SLC35A3: variants seen among roughly 807,000 people sequenced by gnomAD.
The protein encoded by SLC35A3 is UDP-N-acetylglucosamine transporter.
A neutral mutation model predicts 39.0 loss-of-function variants in SLC35A3; 26 were observed. The observed-to-expected ratio is 0.67, with a 90% CI of 0.49 to 0.92. The LOEUF (loss-of-function observed/expected upper bound fraction) is 0.92, where lower values mean the gene tolerates loss of function less well. SLC35A3 is among the 40% of genes least tolerant of loss of function. SLC35A3 has a pLI of 0.00. For missense variants in SLC35A3, 299 were observed against 371.6 expected, an observed-to-expected ratio of 0.80 and a Z score of 1.61; for synonymous variants, 135 against 133.1, an observed-to-expected ratio of 1.01 and a Z score of -0.10.
intron 2 of SLC35A3, among the ~76,000 whole-genome samples, chr1:99,995,102 T>G (rs1658307719): frequency 6.7e-6 from 1 of 149,238 alleles, no homozygotes; most frequent in Non-Finnish European, 1.5e-5. Flanking sequence ...GCTTTTTGTG[T>G]ATTTTCTTTC....
At chr1:100,016,984 G>A (rs576351) in intron 6 of SLC35A3, among the ~76,000 whole-genome samples, 8,949 of 152,236 alleles carry the variant, frequency 0.059, 344 homozygotes, top group African/African-American at 0.1. Flanking sequence ...CATAATTTAC[G>A]ACTTTCTCTA....
intron 1 of SLC35A3, among the ~76,000 whole-genome samples, chr1:99,982,095 C>G (rs1657489647): frequency 6.6e-6 from 1 of 150,610 alleles, no homozygotes; most frequent in East Asian, 2.0e-4. Context: ...ACCTCCGCCT[C>G]TTGGGTTCAA....
intron 5 of SLC35A3, among the ~76,000 whole-genome samples, chr1:100,013,076 T>C (rs939751922): frequency 3.9e-5 from 6 of 152,218 alleles, no homozygotes; most frequent in African/African-American, 1.4e-4. Flanking sequence ...TTATAATCCA[T>C]ACAAAGGAAT....
chr1:100,033,095 T>C lies in SLC35A3; in HGVS notation c.*10619T>C, dbSNP rs918129198. ...AGCTGTCATTGTTTCTAGGCCATTTTAGTGGACATAGCTAGGAAATACAAT... is the reference window on the plus strand; with the variant it reads ...AGCTGTCATTGTTTCTAGGCCATTTCAGTGGACATAGCTAGGAAATACAAT... On this transcript the variant is annotated 3_prime_UTR_variant, in exon 8 of 8. Coordinates refer to ENST00000533028, the MANE Select transcript of SLC35A3 (RefSeq NM_012243.3). The C allele has an allele frequency of 1.3e-5, 2 of 152,180 alleles. No homozygotes were observed. The highest frequency in any genetic ancestry group is 2.9e-5 in the Non-Finnish European group (2 of 68,020). 9.4% of individuals were successfully genotyped at this position (152,180 alleles called of 1,614,324 possible).
At chr1:99,991,062 C>T (rs1452348984) in intron 1 of SLC35A3, among the ~76,000 whole-genome samples, 1 of 152,206 alleles carries the variant, frequency 6.6e-6, no homozygotes, top group Non-Finnish European at 1.5e-5. Flanking sequence ...GTTACAGCAG[C>T]CTAAGCTCAT....
At chr1:100,004,742 C>G (rs1035175371) in intron 3 of SLC35A3, among the ~76,000 whole-genome samples, 1 of 150,778 alleles carries the variant, frequency 6.6e-6, no homozygotes, top group African/African-American at 2.4e-5. Flanking sequence ...TTTTTATTTT[C>G]TAAAAGACAG....
rs957292788 is a variant in SLC35A3 at position 99,976,070 on chromosome 1, C to CA, written c.-19+5915dup. On this transcript the variant is annotated intron_variant, in intron 1 of 7. Coordinates refer to ENST00000533028, the MANE Select transcript of SLC35A3 (RefSeq NM_012243.3). Reference sequence around the variant, plus strand: ...GTCAGACTTGGTCTCAAAAAAACTCCAAAAAAACCCCAAAAATAAAAGAGA... The same window carrying CA: ...GTCAGACTTGGTCTCAAAAAAACTCCAAAAAAAACCCCAAAAATAAAAGAGA... Among the ~76,000 whole-genome samples, 12 of 151,730 alleles carry CA rather than the reference C, an allele frequency of 7.9e-5. No homozygotes were observed. In the East Asian group the frequency reaches 1.9e-3, roughly 24 times the overall value.
rs1159868593 is a variant in SLC35A3 at position 100,034,764 on chromosome 1, G to A, written c.*12288G>A. ...GATTTGGATTCTGTGATACAATCTTGTTTCTTTAGGAATCTTTTACTTTTG... is the reference window on the plus strand; with the variant it reads ...GATTTGGATTCTGTGATACAATCTTATTTCTTTAGGAATCTTTTACTTTTG... On this transcript the variant is annotated 3_prime_UTR_variant, in exon 8 of 8. Transcript: ENST00000533028. 6.6e-6 allele frequency: 1 copy of A among 152,130 alleles called. No homozygotes were observed. The highest frequency in any genetic ancestry group is 1.5e-5 in the Non-Finnish European group (1 of 68,014). The allele number at this position is 152,130 out of a possible 1,614,324, so 9.4% of individuals were successfully genotyped here.
chr1:99,987,303 T>C (rs115677304), intron 1 of SLC35A3, among the ~76,000 whole-genome samples: 8,999 of 152,306 alleles, frequency 0.059, 344 homozygotes, highest in African/African-American at 0.1. Context: ...TTGGACAAAA[T>C]TGAGATAGAT....
intron 1 of SLC35A3, among the ~76,000 whole-genome samples, chr1:99,974,513 A>G (rs1246940163): frequency 1.3e-5 from 2 of 152,132 alleles, no homozygotes; most frequent in Admixed American, 6.5e-5. Flanking sequence ...AATTTTTTGT[A>G]GAGATGAAGT....
intron 3 of SLC35A3, among the ~76,000 whole-genome samples, chr1:100,006,067 G>A (rs891324423): frequency 1.3e-5 from 2 of 152,104 alleles, no homozygotes; most frequent in African/African-American, 4.8e-5. Flanking sequence ...ATCCTGGGTG[G>A]GTGCAGTAAT....
chr1:100,015,274 A>G (rs781146380), intron 5 of SLC35A3, 28 bp from the exon 6 acceptor site: 1 of 1,540,454 alleles, frequency 6.5e-7, no homozygotes, highest in Non-Finnish European at 8.7e-7. Context: ...ACTAAACGAT[A>G]TATCATGTAG....
chr1:100,014,200 A>T (rs1314759783), intron 5 of SLC35A3, among the ~76,000 whole-genome samples: 1 of 152,132 alleles, frequency 6.6e-6, no homozygotes, highest in African/African-American at 2.4e-5. Flanking sequence ...TATTAGTTAT[A>T]CTTTCAAAAC....
At chr1:99,973,506 T>A (rs538276034) in intron 1 of SLC35A3, among the ~76,000 whole-genome samples, 3 of 152,220 alleles carry the variant, frequency 2.0e-5, no homozygotes, top group Non-Finnish European at 4.4e-5. Flanking sequence ...GTTTTATATA[T>A]AAGTGTGAAA....
At chr1:99,975,284 T>C (rs1365341222) in intron 1 of SLC35A3, among the ~76,000 whole-genome samples, 1 of 152,124 alleles carries the variant, frequency 6.6e-6, no homozygotes, top group African/African-American at 2.4e-5. Context: ...TATGAAGAGA[T>C]CATTCTCCCA....
intron 2 of SLC35A3, among the ~76,000 whole-genome samples, chr1:99,996,970 C>T (rs1035148399): frequency 1.3e-5 from 2 of 151,736 alleles, no homozygotes; most frequent in African/African-American, 4.8e-5. Flanking sequence ...AGGGTTCCTT[C>T]GAATTAGAAT....
At chr1:100,013,895 A>G (rs1028189303) in intron 5 of SLC35A3, among the ~76,000 whole-genome samples, 1 of 152,248 alleles carries the variant, frequency 6.6e-6, no homozygotes, top group South Asian at 2.1e-4. Context: ...TTATAACTTC[A>G]TTTTTAAAAA....
In SLC35A3 at chr1:100,024,589, A is replaced by C. The variant is rs72967671; in HGVS notation, c.*2113A>C. The C allele has an allele frequency of 0.04, 9,492 of 238,930 alleles. 632 individuals are homozygous for C. Among genetic ancestry groups the C allele is most frequent in the African/African-American group, 0.17 (7,013 of 42,224 alleles). 14.8% of individuals were successfully genotyped at this position (238,930 alleles called of 1,614,324 possible). A position where few individuals can be genotyped will look rare whatever the true frequency, so the allele number is the denominator to read the frequency against. On this transcript the variant is annotated 3_prime_UTR_variant, in exon 8 of 8. Transcript: ENST00000533028. ...AGAAAACACACACACACACACACAC[A>C]CCCACAGTATGAATGAAAAAAATAA...
chr1:100,017,554 A>G (rs1660239577), intron 6 of SLC35A3, 128 bp from the exon 7 acceptor site: 1 of 556,994 alleles, frequency 1.8e-6, no homozygotes, highest in Non-Finnish European at 3.0e-6. Flanking sequence ...GAGATGTTTA[A>G]AATAAATCCC....
Sources: gnomAD v4.1 joint callset for allele counts (sites outside exome capture counted in the v4.1 genomes callset) on GRCh38, gnomAD v4.1.1 for gene constraint, MANE v1.5 for transcripts, NCBI Gene and HGNC (gene_info 2026-07-23, HGNC 2026-07-21) for gene names.